DHRSX: variants seen among roughly 807,000 people sequenced by gnomAD.
DHRSX encodes the protein dehydrogenase/reductase X-linked.
DHRSX carries 31 observed loss-of-function variants against 34.0 expected under a neutral mutation model. That is an observed-to-expected ratio of 0.91 (90% confidence interval 0.69 to 1.23). DHRSX has a LOEUF of 1.23. DHRSX is among the 50% of genes most tolerant of loss of function. The pLI is 0.00. For missense variants in DHRSX, 414 were observed against 428.1 expected (o/e 0.97, Z 0.29); for synonymous variants, 201 against 183.8 (o/e 1.09, Z -0.76).
rs372950438 is a variant in DHRSX at position 2,449,215 on chromosome X, C to T, written c.110-23911G>A. Among the ~76,000 whole-genome samples the T allele has an allele frequency of 2.6e-5, 4 of 150,978 alleles. No homozygotes were observed. In the East Asian group the frequency reaches 5.8e-4, roughly 22 times the overall value. ...AAAAAAAAAAAAAAATGTGTCCACTCTGCACCCTGACCAGAAGAGACGACC... is the reference window on the plus strand; with the variant it reads ...AAAAAAAAAAAAAAATGTGTCCACTTTGCACCCTGACCAGAAGAGACGACC... On this transcript the variant is annotated intron_variant, in intron 1 of 6. Coordinates refer to ENST00000334651, the MANE Select transcript of DHRSX (RefSeq NM_145177.3).
At chrX:2,391,237 G>C (rs1430920671) in intron 3 of DHRSX, among the ~76,000 whole-genome samples, 1 of 152,098 alleles carries the variant, frequency 6.6e-6, no homozygotes, top group Non-Finnish European at 1.5e-5. Context: ...GTTTTATTGG[G>C]GACCCAAGAA....
At position 2,331,048 on chromosome X, in the gene DHRSX, C is replaced by T. The variant is rs192039792; in HGVS notation, c.287-39445G>A. On this transcript the variant is annotated intron_variant, in intron 3 of 6. Transcript: ENST00000334651. The stretch of plus-strand genomic sequence containing the variant: ...GGAGATGTCCAGTAATGGGGTAGAG[C>T]CCAGACTCCCACACTTGGTAGTTGT... Among the ~76,000 whole-genome samples, 305 of 152,228 alleles carry T rather than the reference C, an allele frequency of 2.0e-3. 2 individuals are homozygous for T. Among genetic ancestry groups the T allele is most frequent in the African/African-American group, 7.1e-3 (293 of 41,530 alleles).
intron 1 of DHRSX, chrX:2,488,911 C>T (rs760777464): frequency 6.2e-7 from 1 of 1,605,530 alleles, no homozygotes; most frequent in South Asian, 1.1e-5. Context: ...TCTGCAGCAC[C>T]TTGGGCAGCA....
chrX:2,378,423 T>G (rs1203718963), intron 3 of DHRSX, among the ~76,000 whole-genome samples: 30 of 152,172 alleles, frequency 2.0e-4, no homozygotes, highest in Non-Finnish European at 3.8e-4. Context: ...CTTCTGCCTC[T>G]GCCACCCGAG....
intron 3 of DHRSX, among the ~76,000 whole-genome samples, chrX:2,402,378 G>C (rs1352293458): frequency 6.6e-6 from 1 of 152,232 alleles, no homozygotes; most frequent in Admixed American, 6.5e-5. Context: ...GGTTCGTACG[G>C]GTTTGGTGGA....
intron 1 of DHRSX, among the ~76,000 whole-genome samples, chrX:2,460,060 A>G (rs2044381492): frequency 6.6e-6 from 1 of 152,148 alleles, no homozygotes; most frequent in Admixed American, 6.5e-5. Context: ...GTGAGCCGAG[A>G]TCATGCCATT....
intron 1 of DHRSX, among the ~76,000 whole-genome samples, chrX:2,460,177 G>T (rs1040562305): frequency 2.6e-5 from 4 of 152,116 alleles, no homozygotes; most frequent in Admixed American, 6.6e-5. Context: ...CTTCCAGTGA[G>T]CACACGAGGT....
intron 1 of DHRSX, chrX:2,490,690 C>A (rs748487175): frequency 6.2e-7 from 1 of 1,613,866 alleles, no homozygotes; most frequent in South Asian, 1.1e-5. Context: ...TCAGGTCTGT[C>A]TGGGAGCTCT....
In DHRSX at chrX:2,479,688, C is replaced by A. The variant is rs182132418; in HGVS notation, c.109+21129G>T. On this transcript the variant is annotated intron_variant, in intron 1 of 6. Coordinates refer to ENST00000334651, the MANE Select transcript of DHRSX (RefSeq NM_145177.3). The stretch of plus-strand genomic sequence containing the variant: ...GGCTAAGGGACTGCCGCCATGTACA[C>A]ACTGAAGACATTCCCTAAGAATGTG... Among the ~76,000 whole-genome samples, 323 of 152,244 alleles carry A rather than the reference C, an allele frequency of 2.1e-3. 2 individuals are homozygous for A. The highest frequency in any genetic ancestry group is 0.016 in the South Asian group (76 of 4,832).
chrX:2,381,306 G>C lies in DHRSX; in HGVS notation c.286+27439C>G, dbSNP rs184257493. On this transcript the variant is annotated intron_variant, in intron 3 of 6. Coordinates refer to ENST00000334651, the MANE Select transcript of DHRSX (RefSeq NM_145177.3). ...AAAAGGGACCCCAGAGAGCTCCCTCGACCCTTCTGCCACGTGATGACAAGA... is the reference window on the plus strand; with the variant it reads ...AAAAGGGACCCCAGAGAGCTCCCTCCACCCTTCTGCCACGTGATGACAAGA... Among the ~76,000 whole-genome samples the C allele has an allele frequency of 1.7e-4, 26 of 152,242 alleles. 1 individual carries two copies. The East Asian group carries it at 5.0e-3, about 29-fold the overall frequency.
intron 6 of DHRSX, among the ~76,000 whole-genome samples, chrX:2,233,371 CT>C (rs372617994): frequency 0.075 from 11,172 of 149,586 alleles, 468 homozygotes; most frequent in South Asian, 0.11. Flanking sequence ...TTATCTACAG[CT>C]TTTTTTTTTT....
intron 1 of DHRSX, among the ~76,000 whole-genome samples, chrX:2,434,074 G>A (rs891757214): frequency 4.6e-5 from 7 of 152,114 alleles, no homozygotes; most frequent in African/African-American, 9.7e-5. Flanking sequence ...CACCGCGCCC[G>A]GTCTATAAAG....
intron 3 of DHRSX, among the ~76,000 whole-genome samples, chrX:2,342,868 C>T (rs935949564): frequency 1.3e-5 from 2 of 152,120 alleles, no homozygotes; most frequent in Non-Finnish European, 2.9e-5. Flanking sequence ...TTAATTCAAA[C>T]ATTCAGTCAT....
intron 1 of DHRSX, among the ~76,000 whole-genome samples, chrX:2,457,951 G>A (rs2044332228): frequency 6.6e-6 from 1 of 150,452 alleles, no homozygotes; most frequent in Non-Finnish European, 1.5e-5. Flanking sequence ...ACAAACTGAA[G>A]ACATTCCCTA....
chrX:2,226,071 C>T (rs1440987620), intron 6 of DHRSX, among the ~76,000 whole-genome samples: 3 of 152,234 alleles, frequency 2.0e-5, no homozygotes, highest in East Asian at 1.9e-4. Context: ...GCCTCCAGGA[C>T]GGTGGGAAAA....
chrX:2,349,889 A>C (rs2042767655), intron 3 of DHRSX, among the ~76,000 whole-genome samples: 1 of 124,064 alleles, frequency 8.1e-6, no homozygotes, highest in South Asian at 2.6e-4. Flanking sequence ...ATACAAAAAA[A>C]TTAGCCAGGC....
At chrX:2,371,359 TCCCATTACTATAGACCCTC>T (rs2043061259) in intron 3 of DHRSX, among the ~76,000 whole-genome samples, 1 of 131,110 alleles carries the variant, frequency 7.6e-6, no homozygotes, top group African/African-American at 3.3e-5. Context: ...TAGTCCCTCC[TCCCATTACTATAGACCCTC>T]CGTTACCACA....
At position 2,383,375 on chromosome X, in the gene DHRSX, CCAT is replaced by C. The variant is rs1028923893; in HGVS notation, c.286+25367_286+25369del. ...AGCAGCAGCATAATCATTATCATCA[CCAT>C]CATCACCATCGTCATGATCATCACC... On this transcript the variant is annotated intron_variant, in intron 3 of 6. Transcript: ENST00000334651. 7.6e-4 allele frequency among the ~76,000 whole-genome samples: 116 copies of C among 151,642 alleles called. 1 individual carries two copies. Among genetic ancestry groups the C allele is most frequent in the Non-Finnish European group, 1.5e-3 (100 of 67,930 alleles).
At chrX:2,313,608 C>G (rs1390802256) in intron 3 of DHRSX, among the ~76,000 whole-genome samples, 1 of 152,126 alleles carries the variant, frequency 6.6e-6, no homozygotes, top group Non-Finnish European at 1.5e-5. Context: ...ACCTCGTGAT[C>G]TGCCCACCTC....
Sources: allele counts gnomAD v4.1 joint callset (sites outside exome capture counted in the v4.1 genomes callset), GRCh38; gene constraint gnomAD v4.1.1; transcripts MANE v1.5; gene names NCBI Gene and HGNC (gene_info 2026-07-23, HGNC 2026-07-21).